The following KCNJ6 variants were observed in gnomAD, a reference collection of about 807,000 sequenced individuals.
KCNJ6 encodes the protein potassium inwardly rectifying channel subfamily J member 6.
In KCNJ6, 9 loss-of-function variants were observed where a neutral mutation model predicts 34.2. That is an observed-to-expected ratio of 0.26 (90% CI 0.16 to 0.46). The LOEUF is 0.46. KCNJ6 is among the 20% of genes least tolerant of loss of function. KCNJ6 has a pLI of 1.00. For missense variants in KCNJ6, 236 were observed against 531.3 expected (o/e 0.44, Z 5.46); for synonymous variants, 196 against 207.1 (o/e 0.95, Z 0.46).
intron 2 of KCNJ6, among the ~76,000 whole-genome samples, chr21:37,801,800 T>A (rs1461461856): frequency 1.3e-5 from 2 of 152,008 alleles, no homozygotes; most frequent in African/African-American, 4.8e-5. Context: ...AGGACTGTGG[T>A]GAGGACAAGG....
chr21:37,779,982 G>A (rs1477635866), intron 2 of KCNJ6, among the ~76,000 whole-genome samples: 1 of 152,158 alleles, frequency 6.6e-6, no homozygotes, highest in Non-Finnish European at 1.5e-5. Context: ...GGGGTGGTGA[G>A]GCAGTAGGTG....
At chr21:37,639,570 T>C (rs2054372204) in intron 3 of KCNJ6, among the ~76,000 whole-genome samples, 1 of 152,220 alleles carries the variant, frequency 6.6e-6, no homozygotes, top group South Asian at 2.1e-4. Context: ...GCCATTTAAA[T>C]GGTTCAAAAA....
intron 3 of KCNJ6, among the ~76,000 whole-genome samples, chr21:37,707,968 G>A: frequency 6.6e-6 from 1 of 152,034 alleles, no homozygotes; most frequent in East Asian, 1.9e-4. Context: ...TTTAGAGTTT[G>A]GGTCTGAGCT....
rs538917043 is a variant in KCNJ6, at chr21:37,814,888, C to G, written c.25+25770G>C. Among the ~76,000 whole-genome samples the G allele has an allele frequency of 4.7e-5, 6 of 126,888 alleles. No homozygotes were observed. The East Asian group carries it at 1.4e-3, about 29-fold the overall frequency. The allele number at this position is 126,888 out of a possible 152,430, so 83.2% of individuals were successfully genotyped here. A position where few individuals can be genotyped will look rare whatever the true frequency, so the allele number is the denominator to read the frequency against. On this transcript the variant is annotated intron_variant, in intron 2 of 3. Coordinates refer to ENST00000609713, the MANE Select transcript of KCNJ6 (RefSeq NM_002240.5). The stretch of plus-strand genomic sequence containing the variant: ...CTCCAGCCTGGGTGACAGAGCGAGA[C>G]TCTGTCTCAAAAAAAAAAAAAAAAA...
chr21:37,788,433 C>T (rs948866775), intron 2 of KCNJ6, among the ~76,000 whole-genome samples: 96 of 152,160 alleles, frequency 6.3e-4, no homozygotes, highest in African/African-American at 2.2e-3. Flanking sequence ...GCTCAGCATA[C>T]TTCCTATAAT....
chr21:37,691,071 G>A (rs1365845204), intron 3 of KCNJ6, among the ~76,000 whole-genome samples: 5 of 152,158 alleles, frequency 3.3e-5, no homozygotes, highest in African/African-American at 7.2e-5. Context: ...ATGAGCCACC[G>A]TACCTGGCCC....
intron 2 of KCNJ6, 76 bp downstream of exon 2, chr21:37,840,582 C>T (rs1350795603): frequency 1.1e-5 from 11 of 959,932 alleles, no homozygotes; most frequent in Middle Eastern, 2.1e-4. Context: ...GATCATCACA[C>T]GGGATGTCTT....
intron 2 of KCNJ6, among the ~76,000 whole-genome samples, chr21:37,810,140 CACAA>C (rs934090913): frequency 6.6e-6 from 1 of 152,160 alleles, no homozygotes; most frequent in African/African-American, 2.4e-5. Flanking sequence ...CACACACACA[CACAA>C]ACACACAAAA....
chr21:37,649,132 C>CAAAAAA (rs1169306298), intron 3 of KCNJ6, among the ~76,000 whole-genome samples: 27 of 39,804 alleles, frequency 6.8e-4, no homozygotes, highest in African/African-American at 9.4e-4. Context: ...GACTCCATCT[C>CAAAAAA]AAAAAAAAAA....
At chr21:37,678,552 C>T (rs984823566) in intron 3 of KCNJ6, among the ~76,000 whole-genome samples, 1 of 152,168 alleles carries the variant, frequency 6.6e-6, no homozygotes, top group African/African-American at 2.4e-5. Flanking sequence ...GGACCTGCAG[C>T]TCTGAGGGAA....
At chr21:37,639,717 A>G (rs1373420270) in intron 3 of KCNJ6, among the ~76,000 whole-genome samples, 1 of 152,180 alleles carries the variant, frequency 6.6e-6, no homozygotes, top group East Asian at 1.9e-4. Context: ...TCCCTGCCCA[A>G]ATCTCATGTT....
intron 1 of KCNJ6, among the ~76,000 whole-genome samples, chr21:37,912,534 T>C (rs745933971): frequency 2.0e-5 from 3 of 152,242 alleles, no homozygotes; most frequent in Non-Finnish European, 4.4e-5. Context: ...ATAATGAACG[T>C]CTACTTCCCT....
intron 2 of KCNJ6, chr21:37,717,059 C>T (rs1365467205): frequency 6.5e-6 from 1 of 154,262 alleles, no homozygotes; most frequent in East Asian, 1.9e-4. Context: ...ATGAGTTAAC[C>T]TTGCTCATGG....
chr21:37,854,427 A>G (rs986001791), intron 1 of KCNJ6, among the ~76,000 whole-genome samples: 1 of 152,216 alleles, frequency 6.6e-6, no homozygotes, highest in Non-Finnish European at 1.5e-5. Context: ...GTCCTCACTC[A>G]TACTTGAGAG....
chr21:37,808,255 T>C (rs2055303502), intron 2 of KCNJ6, among the ~76,000 whole-genome samples: 1 of 152,236 alleles, frequency 6.6e-6, no homozygotes, highest in Admixed American at 6.5e-5. Context: ...GTGTCAATCA[T>C]AACATTGTGC....
At chr21:37,663,133 C>T (rs934125654) in intron 3 of KCNJ6, among the ~76,000 whole-genome samples, 1 of 152,028 alleles carries the variant, frequency 6.6e-6, no homozygotes, top group African/African-American at 2.4e-5. Context: ...AAAGGATACT[C>T]TAAAACTCCA....
At chr21:37,740,459 G>A (rs928498686) in intron 2 of KCNJ6, among the ~76,000 whole-genome samples, 1 of 152,046 alleles carries the variant, frequency 6.6e-6, no homozygotes, top group Non-Finnish European at 1.5e-5. Context: ...ACCCATTGTC[G>A]ACTAGAAAAC....
intron 3 of KCNJ6, among the ~76,000 whole-genome samples, chr21:37,662,892 A>G (rs1189062191): frequency 6.6e-6 from 1 of 152,180 alleles, no homozygotes; most frequent in Non-Finnish European, 1.5e-5. Flanking sequence ...TATGTTCATC[A>G]GCCACATAAA....
intron 2 of KCNJ6, among the ~76,000 whole-genome samples, chr21:37,817,196 G>A (rs573494967): frequency 4.6e-5 from 7 of 152,268 alleles, no homozygotes; most frequent in South Asian, 2.1e-4. Context: ...GAATCACGGC[G>A]AGGTGCTACA....
Sources: gnomAD v4.1 joint callset for allele counts (sites outside exome capture counted in the v4.1 genomes callset) on GRCh38, gnomAD v4.1.1 for gene constraint, MANE v1.5 for transcripts, NCBI Gene and HGNC (gene_info 2026-07-23, HGNC 2026-07-21) for gene names.